THSD4: variants seen among roughly 807,000 people sequenced by gnomAD.
THSD4 encodes thrombospondin type-1 domain-containing protein 4.
Under a neutral mutation model 119.0 loss-of-function variants are expected in THSD4, and 69 were observed. That is an observed-to-expected ratio of 0.58 (90% CI 0.48 to 0.71). THSD4 has a LOEUF of 0.71. Among genes scored for constraint, THSD4 ranks in the 30% least tolerant of loss-of-function variants. THSD4 has a pLI of 0.00. For synonymous variants in THSD4, 524 were observed against 540.4 expected (o/e 0.97, Z 0.42); for missense variants, 1,393 against 1,391.1 (o/e 1.00, Z -0.02).
intron 4 of THSD4, among the ~76,000 whole-genome samples, chr15:71,242,092 G>A (rs1318630480): frequency 6.6e-6 from 1 of 152,188 alleles, no homozygotes; most frequent in Non-Finnish European, 1.5e-5. Context: ...GTCAGTGCAA[G>A]TGAGGCCTTG....
chr15:71,674,696 A>G (rs899855229), intron 8 of THSD4, among the ~76,000 whole-genome samples: 12 of 152,152 alleles, frequency 7.9e-5, no homozygotes, highest in Non-Finnish European at 1.3e-4. Flanking sequence ...ACTAGGGACT[A>G]TTCTGCACCC....
chr15:71,702,183 T>C (rs777977146), intron 8 of THSD4, among the ~76,000 whole-genome samples: 15 of 152,260 alleles, frequency 9.9e-5, no homozygotes, highest in Non-Finnish European at 1.8e-4. Flanking sequence ...GCAGGCCTCG[T>C]CCAGGGGCCC....
At chr15:71,524,183 G>A (rs528784387) in intron 7 of THSD4, among the ~76,000 whole-genome samples, 12 of 152,152 alleles carry the variant, frequency 7.9e-5, no homozygotes, top group East Asian at 5.8e-4. Context: ...AACTGGAATC[G>A]GACAGTCTGA....
intron 7 of THSD4, among the ~76,000 whole-genome samples, chr15:71,503,699 G>A (rs1046969882): frequency 1.3e-5 from 2 of 152,132 alleles, no homozygotes; most frequent in Non-Finnish European, 2.9e-5. Flanking sequence ...TCAGCAAAGG[G>A]GGGCCTGGGC....
intron 8 of THSD4, among the ~76,000 whole-genome samples, chr15:71,691,937 G>T (rs553140788): frequency 1.2e-4 from 18 of 152,280 alleles, no homozygotes; most frequent in Non-Finnish European, 1.6e-4. Flanking sequence ...AAGCCGTCCA[G>T]GTGGAAACCT....
At chr15:71,468,049 A>C (rs985528227) in intron 7 of THSD4, among the ~76,000 whole-genome samples, 1 of 151,992 alleles carries the variant, frequency 6.6e-6, no homozygotes, top group Non-Finnish European at 1.5e-5. Flanking sequence ...AGGTTTCATC[A>C]TGTTGGCCAG....
chr15:71,554,538 G>A (rs1381325178), intron 7 of THSD4, among the ~76,000 whole-genome samples: 13 of 151,826 alleles, frequency 8.6e-5, no homozygotes, highest in African/African-American at 2.9e-4. Flanking sequence ...ACAGGCATGC[G>A]CCGCCATGCC....
At chr15:71,731,047 T>C in intron 9 of THSD4, 74 bp from the exon 10 acceptor site, 7 of 1,410,634 alleles carry the variant, frequency 5.0e-6, no homozygotes, top group Non-Finnish European at 7.0e-6. Context: ...TCAGTAGTTC[T>C]GCAAATGCCA....
chr15:71,327,532 G>T (rs2045361815), intron 6 of THSD4, among the ~76,000 whole-genome samples: 1 of 152,224 alleles, frequency 6.6e-6, no homozygotes, highest in South Asian at 2.1e-4. Context: ...CATTGCGTTT[G>T]TCTTCCTAAT....
chr15:71,682,888 CTTTCTTTCTTTCTTTCT>C (rs1365157469), intron 8 of THSD4, among the ~76,000 whole-genome samples: 139 of 7,862 alleles, frequency 0.018, 4 homozygotes, highest in African/African-American at 0.032. Flanking sequence ...TTCTTTCTTT[CTTTCTTTCTTTCTTTCT>C]TTCTTCTTCT....
At chr15:71,289,418 C>T (rs1048418655) in intron 6 of THSD4, among the ~76,000 whole-genome samples, 1 of 152,146 alleles carries the variant, frequency 6.6e-6, no homozygotes, top group African/African-American at 2.4e-5. Context: ...GGGGAACATG[C>T]CCCATCCTGT....
intron 7 of THSD4, among the ~76,000 whole-genome samples, chr15:71,594,936 C>T (rs1310641459): frequency 6.6e-6 from 1 of 151,074 alleles, no homozygotes; most frequent in Non-Finnish European, 1.5e-5. Flanking sequence ...GAAGAGGTGA[C>T]ATCTGAGCTA....
intron 6 of THSD4, among the ~76,000 whole-genome samples, chr15:71,354,487 C>A (rs578109475): frequency 6.6e-6 from 1 of 152,212 alleles, no homozygotes; most frequent in East Asian, 1.9e-4. Context: ...GGAGACTTTT[C>A]CAAATTGTGG....
intron 6 of THSD4, among the ~76,000 whole-genome samples, chr15:71,400,895 A>G (rs1277238428): frequency 6.6e-6 from 1 of 152,136 alleles, no homozygotes; most frequent in Non-Finnish European, 1.5e-5. Flanking sequence ...CTTGGAGTGA[A>G]CTTGTGAAGT....
rs776644501 is a variant in THSD4, at chr15:71,747,038, C to T, written c.2237C>T (p.Thr746Ile). ...CSEWQIRTDW[T>I]SCSVPCGVGQ... ...GAGTGGCAGATCCGGACCGACTGGA[C>T]CTCGGTACGCAGGCAGGGCAGCCCG... The change falls in exon 13 of 18, where the codon ACC (threonine) becomes ATC (isoleucine). Residue 746 changes from threonine to isoleucine, a missense_variant. Physicochemically the swap from Thr to Ile is moderately conservative, Grantham distance 89. Transcript: ENST00000261862. 6.2e-7 allele frequency: 1 copy of T among 1,603,852 alleles called. No homozygotes were observed. The highest frequency in any genetic ancestry group is 8.5e-7 in the Non-Finnish European group (1 of 1,177,168).
At chr15:71,195,396 A>G (rs572102228) in intron 3 of THSD4, among the ~76,000 whole-genome samples, 12 of 152,350 alleles carry the variant, frequency 7.9e-5, no homozygotes, top group Non-Finnish European at 1.3e-4. Context: ...AGTCCAGTAG[A>G]TGGAGCCAGG....
chr15:71,725,321 G>C (rs182997477), intron 8 of THSD4, among the ~76,000 whole-genome samples: 1 of 151,968 alleles, frequency 6.6e-6, no homozygotes, highest in Non-Finnish European at 1.5e-5. Flanking sequence ...CTGGCAAGGA[G>C]GTAATTACAT....
At chr15:71,759,396 T>G (rs575440145) in intron 15 of THSD4, among the ~76,000 whole-genome samples, 2 of 152,348 alleles carry the variant, frequency 1.3e-5, no homozygotes, top group African/African-American at 4.8e-5. Flanking sequence ...TGAGCCTGTT[T>G]CCTCATCTGA....
intron 5 of THSD4, among the ~76,000 whole-genome samples, chr15:71,245,790 C>T (rs544783528): frequency 3.3e-5 from 5 of 152,280 alleles, no homozygotes; most frequent in South Asian, 2.1e-4. Context: ...ATTTTAGGCA[C>T]GGTGAGCCAC....
Sources: allele counts gnomAD v4.1 joint callset (sites outside exome capture counted in the v4.1 genomes callset), GRCh38; gene constraint gnomAD v4.1.1; transcripts MANE v1.5; gene names NCBI Gene and HGNC (gene_info 2026-07-23, HGNC 2026-07-21).